The following PSMD14 variants were observed in gnomAD, a reference collection of about 807,000 sequenced individuals.
The protein encoded by PSMD14 is proteasome 26S subunit, non-ATPase 14.
In PSMD14, 7 loss-of-function variants were observed where a neutral mutation model predicts 41.2. The observed-to-expected ratio is 0.17, with a 90% CI of 0.10 to 0.32. The LOEUF is 0.32. PSMD14 is among the 10% of genes least tolerant of loss of function. The probability of loss-of-function intolerance (pLI) is 1.00; values close to 1 mark genes in which losing one functional copy is unlikely to be tolerated. For missense variants in PSMD14, 139 were observed against 375.6 expected, an observed-to-expected ratio of 0.37 and a Z score of 5.21; for synonymous variants, 114 against 122.3, an observed-to-expected ratio of 0.93 and a Z score of 0.45.
At chr2:161,326,663 C>G (rs766907446) in intron 3 of PSMD14, among the ~76,000 whole-genome samples, 1 of 152,100 alleles carries the variant, frequency 6.6e-6, no homozygotes, top group Non-Finnish European at 1.5e-5. Context: ...AGATGTCCCT[C>G]AACAAATGAA....
intron 3 of PSMD14, among the ~76,000 whole-genome samples, chr2:161,322,695 A>G (rs922194996): frequency 2.6e-5 from 4 of 152,160 alleles, no homozygotes; most frequent in Middle Eastern, 3.4e-3. Context: ...CGGCCTGGTC[A>G]TGTTTTTTTA....
intron 3 of PSMD14, among the ~76,000 whole-genome samples, chr2:161,360,712 A>G (rs1683278568): frequency 6.6e-6 from 1 of 151,764 alleles, no homozygotes; most frequent in African/African-American, 2.4e-5. Context: ...AATTTTTTGT[A>G]TTTTTAGTAG....
intron 7 of PSMD14, chr2:161,383,584 T>G (rs1023395729): frequency 2.6e-5 from 4 of 151,768 alleles, no homozygotes; most frequent in Admixed American, 1.3e-4. Flanking sequence ...GTCTGCTATT[T>G]TAGTTTCAAA....
At chr2:161,408,724 G>C (rs769102842) in intron 10 of PSMD14, 113 bp from the exon 11 acceptor site, 1 of 727,630 alleles carries the variant, frequency 1.4e-6, no homozygotes, top group Non-Finnish European at 2.3e-6. Context: ...TAAATTATTT[G>C]AATAAAAGTT....
At chr2:161,404,970 C>T (rs1324402425) in intron 10 of PSMD14, among the ~76,000 whole-genome samples, 1 of 152,186 alleles carries the variant, frequency 6.6e-6, no homozygotes, top group Admixed American at 6.5e-5. Flanking sequence ...CATTTCCTCT[C>T]ATTTGAAATG....
intron 8 of PSMD14, among the ~76,000 whole-genome samples, chr2:161,387,908 C>G (rs1261456551): frequency 6.6e-6 from 1 of 151,780 alleles, no homozygotes; most frequent in African/African-American, 2.4e-5. Context: ...ACTAATAATC[C>G]TGATAGAGAG....
intron 10 of PSMD14, among the ~76,000 whole-genome samples, chr2:161,407,250 A>G (rs188807787): frequency 1.3e-5 from 2 of 152,264 alleles, no homozygotes; most frequent in East Asian, 3.9e-4. Flanking sequence ...TAAAACATTG[A>G]ATAGTGGGAG....
chr2:161,380,024 G>A (rs1391940378), intron 7 of PSMD14, among the ~76,000 whole-genome samples: 1 of 152,038 alleles, frequency 6.6e-6, no homozygotes, highest in East Asian at 1.9e-4. Flanking sequence ...TCCACAGCAG[G>A]TTCTGTTGAA....
intron 7 of PSMD14, among the ~76,000 whole-genome samples, chr2:161,380,535 A>G (rs757838664): frequency 9.9e-5 from 15 of 151,992 alleles, no homozygotes; most frequent in Non-Finnish European, 2.2e-4. Context: ...TTTTCTCCCA[A>G]TATACTGAAG....
chr2:161,362,377 G>A (rs1178913280), intron 3 of PSMD14, among the ~76,000 whole-genome samples: 3 of 151,992 alleles, frequency 2.0e-5, no homozygotes, highest in Non-Finnish European at 4.4e-5. Context: ...TGGTGGATTC[G>A]GATCCTGATT....
chr2:161,409,153 A>G (rs572767246), intron 11 of PSMD14, among the ~76,000 whole-genome samples: 92 of 152,072 alleles, frequency 6.0e-4, no homozygotes, highest in African/African-American at 2.1e-3. Flanking sequence ...GGACACTTGT[A>G]TCCTGAATTA....
At chr2:161,385,968 A>G (rs1431602689) in intron 8 of PSMD14, among the ~76,000 whole-genome samples, 1 of 151,788 alleles carries the variant, frequency 6.6e-6, no homozygotes, top group Admixed American at 6.6e-5. Context: ...TGTATATTTT[A>G]AGATATCCCT....
chr2:161,331,886 G>C (rs1682795979), intron 3 of PSMD14, among the ~76,000 whole-genome samples: 1 of 152,148 alleles, frequency 6.6e-6, no homozygotes, highest in South Asian at 2.1e-4. Context: ...TCCTACATGG[G>C]TAGGGATAAT....
chr2:161,322,016 C>T (rs796211471), intron 3 of PSMD14, among the ~76,000 whole-genome samples: 7 of 152,260 alleles, frequency 4.6e-5, no homozygotes, highest in African/African-American at 1.4e-4. Context: ...ATGGGCCTGG[C>T]TCAAAGTCTT....
At chr2:161,383,903 C>G (rs770065921) in intron 7 of PSMD14, 3 of 151,296 alleles carry the variant, frequency 2.0e-5, no homozygotes, top group Admixed American at 2.0e-4. Flanking sequence ...ATATTTTTAA[C>G]AATTGTTTGA....
intron 10 of PSMD14, among the ~76,000 whole-genome samples, chr2:161,400,007 G>A (rs898153218): frequency 1.3e-5 from 2 of 152,034 alleles, no homozygotes; most frequent in Admixed American, 1.3e-4. Flanking sequence ...TTGCATATAT[G>A]TCAACATATT....
At chr2:161,313,690 G>T (rs1689117520) in intron 1 of PSMD14, among the ~76,000 whole-genome samples, 1 of 152,178 alleles carries the variant, frequency 6.6e-6, no homozygotes, top group East Asian at 1.9e-4. Context: ...GGTTTTGAAG[G>T]TACATATATC....
chr2:161,380,678 G>A (rs1378449888), intron 7 of PSMD14, among the ~76,000 whole-genome samples: 1 of 151,952 alleles, frequency 6.6e-6, no homozygotes, highest in Non-Finnish European at 1.5e-5. Context: ...GCAAACTTGA[G>A]ACTAAGAAAT....
intron 7 of PSMD14, among the ~76,000 whole-genome samples, chr2:161,374,604 C>A (rs116837966): frequency 1.3e-5 from 2 of 151,996 alleles, no homozygotes; most frequent in Non-Finnish European, 1.5e-5. Flanking sequence ...TTATAAGGTC[C>A]GCTTGCAGCA....
Sources: gnomAD v4.1 joint callset for allele counts (sites outside exome capture counted in the v4.1 genomes callset) on GRCh38, gnomAD v4.1.1 for gene constraint, MANE v1.5 for transcripts, NCBI Gene and HGNC (gene_info 2026-07-23, HGNC 2026-07-21) for gene names.